Variants in ATXN1 observed in about 807,000 individuals in gnomAD.
ATXN1 encodes the protein ataxin 1.
ATXN1 carries 8 observed loss-of-function variants against 56.4 expected under a neutral mutation model. That is an observed-to-expected ratio of 0.14 (90% CI 0.08 to 0.26). ATXN1 has a LOEUF of 0.26. Among genes scored for constraint, ATXN1 ranks in the 10% least tolerant of loss-of-function variants. The pLI is 1.00. For missense variants in ATXN1, 987 were observed against 1,106.5 expected (o/e 0.89, Z 1.53); for synonymous variants, 514 against 494.6 (o/e 1.04, Z -0.52).
At chr6:16,338,552 AATTTC>A (rs1441132685) in intron 6 of ATXN1, among the ~76,000 whole-genome samples, 2 of 152,208 alleles carry the variant, frequency 1.3e-5, no homozygotes, top group Non-Finnish European at 2.9e-5. Context: ...ATGAGGCAAA[AATTTC>A]ATTTCAACAA....
intron 6 of ATXN1, among the ~76,000 whole-genome samples, chr6:16,423,999 T>C (rs999092638): frequency 1.3e-5 from 2 of 152,318 alleles, no homozygotes; most frequent in Middle Eastern, 3.4e-3. Flanking sequence ...ATTTATTATA[T>C]AAAGTCCTTT....
At chr6:16,508,015 T>C (rs1414301032) in intron 5 of ATXN1, among the ~76,000 whole-genome samples, 1 of 152,224 alleles carries the variant, frequency 6.6e-6, no homozygotes, top group Non-Finnish European at 1.5e-5. Context: ...TGGTCCCCAA[T>C]GTAGGATGCC....
intron 6 of ATXN1, among the ~76,000 whole-genome samples, chr6:16,399,916 C>T (rs1758533892): frequency 1.3e-5 from 2 of 152,146 alleles, no homozygotes; most frequent in Admixed American, 1.3e-4. Context: ...CTAACTGTTG[C>T]CTGGGCTCCT....
rs1372936058 is a variant in ATXN1, at chr6:16,571,904, C to G, written c.-361+13876G>C. On this transcript the variant is annotated intron_variant, in intron 4 of 7. Coordinates refer to ENST00000436367, the MANE Select transcript of ATXN1 (RefSeq NM_001128164.2). The stretch of plus-strand genomic sequence containing the variant: ...TCTCAAACTCGTGGCTTCAAGTGAT[C>G]CTTCCACCTCAGCCCCCCAAAGTGC... Among the ~76,000 whole-genome samples, 5 of 152,268 alleles carry G rather than the reference C, an allele frequency of 3.3e-5. 1 individual carries two copies. The highest frequency in any genetic ancestry group is 3.9e-4 in the East Asian group (2 of 5,188).
rs146686418 is a variant in ATXN1, at chr6:16,318,708, G to A, written c.1917+7686C>T. ...TTCAGTAAACCCACACCCTAGCACCGGGACGCCTCCTAACACAAATCCCAC... is the reference window on the plus strand; with the variant it reads ...TTCAGTAAACCCACACCCTAGCACCAGGACGCCTCCTAACACAAATCCCAC... On this transcript the variant is annotated intron_variant, in intron 7 of 7. Transcript: ENST00000436367. Among the ~76,000 whole-genome samples, 32 of 152,252 alleles carry A rather than the reference G, an allele frequency of 2.1e-4. No homozygotes were observed. In the East Asian group the frequency reaches 4.4e-3, roughly 21 times the overall value.
chr6:16,567,718 C>T (rs1762255473), intron 4 of ATXN1, among the ~76,000 whole-genome samples: 1 of 151,830 alleles, frequency 6.6e-6, no homozygotes. Flanking sequence ...CAGTGTTCCG[C>T]CTTTTTACTT....
chr6:16,632,239 T>C (rs147743873), intron 3 of ATXN1, among the ~76,000 whole-genome samples: 1 of 152,258 alleles, frequency 6.6e-6, no homozygotes, highest in Non-Finnish European at 1.5e-5. Flanking sequence ...GCATCCTTCC[T>C]GGGGCAGTGA....
intron 2 of ATXN1, among the ~76,000 whole-genome samples, chr6:16,664,868 T>G (rs1758393473): frequency 6.6e-6 from 1 of 152,066 alleles, no homozygotes; most frequent in Non-Finnish European, 1.5e-5. Context: ...GAAGCAAAAT[T>G]GAGAAAAATG....
intron 2 of ATXN1, among the ~76,000 whole-genome samples, chr6:16,734,470 A>G (rs1416468290): frequency 1.3e-5 from 2 of 152,180 alleles, no homozygotes; most frequent in Non-Finnish European, 1.5e-5. Context: ...ACAAACAGTG[A>G]TCTGGCTGGT....
intron 6 of ATXN1, among the ~76,000 whole-genome samples, chr6:16,347,307 T>G (rs1761437216): frequency 6.6e-6 from 1 of 152,264 alleles, no homozygotes; most frequent in South Asian, 2.1e-4. Context: ...CTGAGTCTGG[T>G]GGGGCCTTGG....
intron 6 of ATXN1, among the ~76,000 whole-genome samples, chr6:16,390,352 G>T (rs1343622496): frequency 6.6e-6 from 1 of 152,056 alleles, no homozygotes; most frequent in Non-Finnish European, 1.5e-5. Context: ...CCTGCATCTT[G>T]GGCCCCACTG....
chr6:16,325,691 A>AC (rs3216220), intron 7 of ATXN1, among the ~76,000 whole-genome samples: 41,310 of 151,878 alleles, frequency 0.27, 6,469 homozygotes, highest in East Asian at 0.46. Context: ...AGAGAGTATA[A>AC]AAATTATCTC....
intron 2 of ATXN1, among the ~76,000 whole-genome samples, chr6:16,735,918 T>C (rs1760113488): frequency 6.6e-6 from 1 of 152,196 alleles, no homozygotes; most frequent in Non-Finnish European, 1.5e-5. Flanking sequence ...CACAACTTAT[T>C]CCGCATTATT....
chr6:16,321,548 G>C (rs888259305), intron 7 of ATXN1, among the ~76,000 whole-genome samples: 1 of 152,214 alleles, frequency 6.6e-6, no homozygotes, highest in African/African-American at 2.4e-5. Flanking sequence ...CGCTTTGCTC[G>C]AGTGGAGAAA....
chr6:16,757,592 T>C (rs923627299), intron 1 of ATXN1, among the ~76,000 whole-genome samples: 20 of 152,156 alleles, frequency 1.3e-4, no homozygotes, highest in African/African-American at 4.8e-4. Context: ...ATAAACCCCC[T>C]GGGAATAGAG....
chr6:16,717,874 C>T (rs1759670463), intron 2 of ATXN1, among the ~76,000 whole-genome samples: 2 of 152,226 alleles, frequency 1.3e-5, no homozygotes. Context: ...CCACTTCTGG[C>T]TCTACTCACT....
At chr6:16,677,832 TTC>T in intron 2 of ATXN1, among the ~76,000 whole-genome samples, 1 of 152,230 alleles carries the variant, frequency 6.6e-6, no homozygotes, top group African/African-American at 2.4e-5. Flanking sequence ...TCTTAATTCA[TTC>T]TGTTTCTGTC....
At chr6:16,753,877 T>G (rs1296424482) in intron 1 of ATXN1, among the ~76,000 whole-genome samples, 1 of 133,366 alleles carries the variant, frequency 7.5e-6, no homozygotes, top group African/African-American at 3.0e-5. Context: ...GCATTTATAT[T>G]CACTAAACTT....
At chr6:16,391,130 C>T (rs1758346558) in intron 6 of ATXN1, among the ~76,000 whole-genome samples, 1 of 140,992 alleles carries the variant, frequency 7.1e-6, no homozygotes, top group South Asian at 2.2e-4. Flanking sequence ...TCACTGCACT[C>T]CAGCCTGGGT....
Sources: gnomAD v4.1 joint callset for allele counts (sites outside exome capture counted in the v4.1 genomes callset) on GRCh38, gnomAD v4.1.1 for gene constraint, MANE v1.5 for transcripts, NCBI Gene and HGNC (gene_info 2026-07-23, HGNC 2026-07-21) for gene names.